MUC22: variants seen among roughly 807,000 people sequenced by gnomAD.
MUC22 encodes the protein mucin-22.
A neutral mutation model predicts 40.3 loss-of-function variants in MUC22; 24 were observed. That is an observed-to-expected ratio of 0.60 (90% CI 0.43 to 0.84). The LOEUF is 0.84. Ranked by LOEUF, MUC22 falls within the 40% of genes least tolerant of loss-of-function variation. The pLI is 0.00. For missense variants in MUC22, 1,926 were observed against 2,130.7 expected (o/e 0.90, Z 1.89); for synonymous variants, 765 against 844.5 (o/e 0.91, Z 1.63).
chr6:31,024,682 T>A (rs1392278572), intron 1 of MUC22, among the ~76,000 whole-genome samples: 1 of 152,212 alleles, frequency 6.6e-6, no homozygotes, highest in African/African-American at 2.4e-5. Context: ...GCAGGGGTCC[T>A]GCTTCAGAGA....
chr6:31,018,473 C>T (rs548786850), intron 1 of MUC22, among the ~76,000 whole-genome samples: 55 of 152,284 alleles, frequency 3.6e-4, no homozygotes, highest in African/African-American at 1.3e-3. Flanking sequence ...TTGAAGCTTT[C>T]TCTGTTGTGT....
rs1026903638 is a variant in MUC22, at chr6:31,025,770, A to C, written c.339A>C (p.Thr113=). The change falls in exon 2 of 4, where the codon ACA becomes ACC. Residue 113 remains threonine, a synonymous_variant. Coordinates refer to ENST00000561890, the Ensembl canonical transcript of MUC22. ...TAGCCTCCACTAGGACCTTCACCACAGGCTCTGACACAACCACAGGCTCCA... is the reference window on the plus strand; with the variant it reads ...TAGCCTCCACTAGGACCTTCACCACCGGCTCTGACACAACCACAGGCTCCA... The C allele has an allele frequency of 3.3e-6, 5 of 1,531,866 alleles. No homozygotes were observed. In the African/African-American group the frequency reaches 5.5e-5, roughly 17 times the overall value. The allele number at this position is 1,531,866 out of a possible 1,614,324, so 94.9% of individuals were successfully genotyped here.
chr6:31,025,756 A>G (rs2523898), exon 2 of MUC22: 779,967 of 1,534,210 alleles, frequency 0.51, 200,845 homozygotes, highest in Non-Finnish European at 0.53. Flanking sequence ...AGCCTCCACT[A>G]GGACCTTCAC....
Position 31,020,700 on chromosome 6 carries a change from C to G in MUC22, c.71-4802C>G, listed in dbSNP as rs528157436. Among the ~76,000 whole-genome samples the G allele has an allele frequency of 7.6e-3, 1,158 of 152,290 alleles. 14 individuals are homozygous for G. The highest frequency in any genetic ancestry group is 0.026 in the African/African-American group (1,076 of 41,558). ...TGGCCGAGGCCAGAGCCGGCTCCCTCAGCTTGCAGGGAGGTGTGGAGGGAG... is the reference window on the plus strand; with the variant it reads ...TGGCCGAGGCCAGAGCCGGCTCCCTGAGCTTGCAGGGAGGTGTGGAGGGAG... On this transcript the variant is annotated intron_variant, in intron 1 of 3. Coordinates refer to ENST00000561890, the Ensembl canonical transcript of MUC22.
intron 1 of MUC22, among the ~76,000 whole-genome samples, chr6:31,021,602 C>A: frequency 7.0e-6 from 1 of 142,518 alleles, no homozygotes; most frequent in South Asian, 2.2e-4. Context: ...TGTGAGTGCA[C>A]CAATCGACAC....
chr6:31,030,044 T>C, exon 2 of MUC22: 1 of 1,535,698 alleles, frequency 6.5e-7, no homozygotes, highest in Non-Finnish European at 8.7e-7. Context: ...ACCACGTTTG[T>C]ACTCACCAAG....
At chr6:31,010,944 T>G in intron 1 of MUC22, among the ~76,000 whole-genome samples, 168 bp downstream of exon 1, 1 of 147,428 alleles carries the variant, frequency 6.8e-6, no homozygotes. Context: ...CTGATCCCAA[T>G]TCCACTGACC....
chr6:31,034,532 A>G, intron 3 of MUC22, 140 bp from the exon 4 acceptor site: 2 of 672,948 alleles, frequency 3.0e-6, no homozygotes, highest in South Asian at 4.0e-5. Context: ...CAGAGATCAT[A>G]GTAAGGATGG....
Position 31,027,770 on chromosome 6 carries a change from C to CTGAAG in MUC22, c.2340_2344dup (p.Gly782ValfsTer36). The CTGAAG allele has an allele frequency of 6.5e-7, 1 of 1,531,968 alleles. No individual in the cohort carries two copies. The highest frequency in any genetic ancestry group is 8.7e-7 in the Non-Finnish European group (1 of 1,144,594). The allele number at this position is 1,531,968 out of a possible 1,614,324, so 94.9% of individuals were successfully genotyped here. Reference sequence around the variant, plus strand: ...GGCTCTGAGATGACCACAGTCTCTACTGAAGGCTCTGAGAACACTACAGTC... The same window carrying CTGAAG: ...GGCTCTGAGATGACCACAGTCTCTACTGAAGTGAAGGCTCTGAGAACACTACAGTC... On this transcript the variant is annotated frameshift_variant, in exon 2 of 4. Coordinates refer to ENST00000561890, the Ensembl canonical transcript of MUC22. LOFTEE classifies it high-confidence loss of function.
chr6:31,031,191 A>G (rs1383574005), intron 2 of MUC22, among the ~76,000 whole-genome samples: 1 of 152,188 alleles, frequency 6.6e-6, no homozygotes, highest in South Asian at 2.1e-4. Context: ...CTAAGCCGCC[A>G]CCACCGCCTC....
At chr6:31,029,324 T>A (rs1272437375) in exon 2 of MUC22, 1 of 1,524,916 alleles carries the variant, frequency 6.6e-7, no homozygotes, top group Non-Finnish European at 8.8e-7. Flanking sequence ...ACCACAGCAG[T>A]CTATACCACA....
upstream of MUC22, among the ~76,000 whole-genome samples, chr6:31,009,894 C>A (rs148875539): frequency 1.1e-4 from 17 of 152,316 alleles, no homozygotes; most frequent in Admixed American, 2.6e-4. Context: ...CTCTTCCCTA[C>A]TCACTTCCGC....
At position 31,012,317 on chromosome 6, in the gene MUC22, C is replaced by T. The variant is rs117374483; in HGVS notation, c.70+1541C>T. Among the ~76,000 whole-genome samples, 44 of 152,282 alleles carry T rather than the reference C, an allele frequency of 2.9e-4. 1 individual carries two copies. The East Asian group carries it at 8.5e-3, about 29-fold the overall frequency. ...GCTCCCTCGCCCGCTTCAGCACTTC[C>T]CTCGGCGTTCTTTTTCTTCTCTTTC... On this transcript the variant is annotated intron_variant, in intron 1 of 3. Transcript: ENST00000561890.
At chr6:31,016,132 C>CTT (rs28993413) in intron 1 of MUC22, among the ~76,000 whole-genome samples, 10 of 139,598 alleles carry the variant, frequency 7.2e-5, no homozygotes, top group South Asian at 2.3e-4. Context: ...GCATCTCTTA[C>CTT]TTTTTTTTTT....
At chr6:31,021,080 C>T (rs573743554) in intron 1 of MUC22, among the ~76,000 whole-genome samples, 4 of 152,372 alleles carry the variant, frequency 2.6e-5, no homozygotes, top group East Asian at 1.9e-4. Context: ...CCAGTCCCAC[C>T]GACCGCCCAC....
intron 1 of MUC22, among the ~76,000 whole-genome samples, chr6:31,021,035 C>T (rs1764680600): frequency 6.7e-6 from 1 of 150,220 alleles, no homozygotes; most frequent in African/African-American, 2.5e-5. Flanking sequence ...CGGCCGGAGC[C>T]TCCCCGATGA....
chr6:31,017,180 T>G (rs1450775621), intron 1 of MUC22, among the ~76,000 whole-genome samples: 1 of 152,132 alleles, frequency 6.6e-6, no homozygotes, highest in Non-Finnish European at 1.5e-5. Flanking sequence ...GGCTGAGGAG[T>G]ACTGGCGCAC....
In MUC22 at chr6:31,027,776, G is replaced by A. The variant is rs1242239351; in HGVS notation, c.2345G>A (p.Gly782Asp). Residue 782 changes from glycine to aspartate, a missense_variant, in exon 2 of 4, where the codon GGC becomes GAC. This residue lies in a region of MUC22 where 1,281 missense variants were observed against 1,337.8 expected (regional missense o/e 0.96). Transcript: ENST00000561890. Reference sequence around the variant, plus strand: ...GAGATGACCACAGTCTCTACTGAAGGCTCTGAGAACACTACAGTCTCCACC... The same window carrying A: ...GAGATGACCACAGTCTCTACTGAAGACTCTGAGAACACTACAGTCTCCACC... 2 of 1,530,938 alleles carry A rather than the reference G, an allele frequency of 1.3e-6. No homozygotes were observed. Among genetic ancestry groups the A allele is most frequent in the Non-Finnish European group, 1.7e-6 (2 of 1,144,438 alleles). 94.8% of individuals were successfully genotyped at this position (1,530,938 alleles called of 1,614,324 possible).
At chr6:31,030,209 C>A in intron 2 of MUC22, 109 bp downstream of exon 2, 1 of 1,256,108 alleles carries the variant, frequency 8.0e-7, no homozygotes. Flanking sequence ...CAAGCCAGCA[C>A]ACAGTTAGAT....
Sources: allele counts gnomAD v4.1 joint callset (sites outside exome capture counted in the v4.1 genomes callset), GRCh38; gene constraint gnomAD v4.1.1; regional missense constraint gnomAD v4.1.1; transcripts MANE v1.5; gene names NCBI Gene and HGNC (gene_info 2026-07-23, HGNC 2026-07-21).